PDE1A: variants seen among roughly 807,000 people sequenced by gnomAD.
PDE1A encodes phosphodiesterase 1A.
PDE1A carries 35 observed loss-of-function variants against 61.7 expected under a neutral mutation model. The ratio of observed to expected loss-of-function variants is 0.57; its 90% CI spans 0.43 to 0.75. PDE1A has a LOEUF of 0.75. Ranked by LOEUF, PDE1A falls within the 30% of genes least tolerant of loss-of-function variation. PDE1A has a pLI of 0.00. For missense variants in PDE1A, 597 were observed against 630.6 expected (o/e 0.95, Z 0.57); for synonymous variants, 232 against 213.2 (o/e 1.09, Z -0.77).
the PDE1A span, among the ~76,000 whole-genome samples, chr2:182,558,344 A>G: frequency 6.6e-6 from 1 of 152,104 alleles, no homozygotes; most frequent in Admixed American, 6.5e-5. Context: ...TGTCATAAAA[A>G]ATAAGTTGAT....
chr2:182,443,151 T>C (rs897500775), intron 2 of PDE1A, among the ~76,000 whole-genome samples: 2 of 151,826 alleles, frequency 1.3e-5, no homozygotes, highest in Non-Finnish European at 2.9e-5. Context: ...CTAGGACATA[T>C]AAAACTTTCT....
the PDE1A span, among the ~76,000 whole-genome samples, chr2:182,575,105 G>T: frequency 6.6e-6 from 1 of 152,146 alleles, no homozygotes; most frequent in Non-Finnish European, 1.5e-5. Flanking sequence ...TTTGCTTTAA[G>T]CAAGCACCTC....
chr2:182,499,556 G>A (rs1373103948), intron 2 of PDE1A, among the ~76,000 whole-genome samples: 5 of 152,092 alleles, frequency 3.3e-5, no homozygotes, highest in Admixed American at 3.3e-4. Context: ...CCGAACAGCA[G>A]AAATAAGAAA....
At chr2:182,557,159 T>TC in the PDE1A span, among the ~76,000 whole-genome samples, 1 of 151,940 alleles carries the variant, frequency 6.6e-6, no homozygotes, top group African/African-American at 2.4e-5. Context: ...GCCGGGAGAA[T>TC]CACTTGATCC....
At position 182,201,713 on chromosome 2, in the gene PDE1A, T is replaced by A. The variant is rs373584098; in HGVS notation, c.979A>T (p.Arg327Ter). The A allele has an allele frequency of 1.2e-6, 2 of 1,609,066 alleles. No homozygotes were observed. Among genetic ancestry groups the A allele is most frequent in the Non-Finnish European group, 1.7e-6 (2 of 1,178,642 alleles). The stretch of plus-strand genomic sequence containing the variant: ...CCTTCAGGCTGCTGCAAACTGTTTC[T>A]TATATTTTTAATTTGCTGGAAGTGA... The change falls in exon 9 of 14, where the codon AGA (arginine) becomes TGA (stop). Residue 327 changes from arginine to a stop codon, truncating the protein, a stop_gained. Transcript: ENST00000351439. LOFTEE classifies it high-confidence loss of function.
intron 1 of PDE1A, among the ~76,000 whole-genome samples, chr2:182,339,265 A>G (rs567656035): frequency 6.6e-6 from 1 of 151,958 alleles, no homozygotes; most frequent in South Asian, 2.1e-4. Flanking sequence ...TCAAAGGTGC[A>G]TTTTTTTTAC....
At chr2:182,166,115 C>T (rs1004075219), downstream of PDE1A, among the ~76,000 whole-genome samples, 6 of 152,094 alleles carry the variant, frequency 3.9e-5, no homozygotes, top group African/African-American at 1.2e-4. Flanking sequence ...GGGTGCCAAG[C>T]TGGCAAGGGG....
chr2:182,197,446 T>C (rs1686228085), intron 10 of PDE1A, among the ~76,000 whole-genome samples: 1 of 151,642 alleles, frequency 6.6e-6, no homozygotes, highest in South Asian at 2.1e-4. Context: ...GGTAATGCTT[T>C]ATGTGTCTTC....
intron 2 of PDE1A, among the ~76,000 whole-genome samples, chr2:182,519,303 TA>T (rs1690411558): frequency 6.6e-6 from 1 of 152,070 alleles, no homozygotes; most frequent in Non-Finnish European, 1.5e-5. Context: ...AAATCTAATT[TA>T]TGAAAGACCT....
chr2:182,304,359 A>C (rs937040697), intron 1 of PDE1A, among the ~76,000 whole-genome samples: 2 of 152,222 alleles, frequency 1.3e-5, no homozygotes, highest in Non-Finnish European at 2.9e-5. Context: ...CCAGACAACT[A>C]AAACTTTCTC....
chr2:182,160,410 T>A (rs982157012), intron 13 of PDE1A, among the ~76,000 whole-genome samples: 1 of 152,134 alleles, frequency 6.6e-6, no homozygotes, highest in Non-Finnish European at 1.5e-5. Context: ...CAGTTAGGGA[T>A]GTAGGTAAAG....
At chr2:182,453,179 C>T (rs1201712531) in intron 2 of PDE1A, among the ~76,000 whole-genome samples, 1 of 152,044 alleles carries the variant, frequency 6.6e-6, no homozygotes, top group African/African-American at 2.4e-5. Context: ...CATTGTCCAC[C>T]TCAGCAAAGC....
At chr2:182,429,591 T>A (rs1479261171), upstream of PDE1A, among the ~76,000 whole-genome samples, 3 of 152,102 alleles carry the variant, frequency 2.0e-5, no homozygotes, top group Non-Finnish European at 4.4e-5. Flanking sequence ...TCCTAACTGG[T>A]GCTCAATAAA....
At chr2:182,375,721 T>C (rs1011430084) in intron 1 of PDE1A, among the ~76,000 whole-genome samples, 5 of 152,190 alleles carry the variant, frequency 3.3e-5, no homozygotes, top group Non-Finnish European at 7.3e-5. Flanking sequence ...CAACCCCACA[T>C]TTCCCTTCCA....
At chr2:182,251,568 C>A (rs1021732652) in intron 2 of PDE1A, among the ~76,000 whole-genome samples, 1 of 152,182 alleles carries the variant, frequency 6.6e-6, no homozygotes, top group Non-Finnish European at 1.5e-5. Flanking sequence ...GCCCAGCACC[C>A]TGGTTTAACA....
chr2:182,280,839 G>A (rs1693755615), intron 1 of PDE1A, among the ~76,000 whole-genome samples: 1 of 151,384 alleles, frequency 6.6e-6, no homozygotes, highest in Non-Finnish European at 1.5e-5. Context: ...TTTTTTTGCT[G>A]CCTGACTAAA....
Position 182,293,946 on chromosome 2 carries a change from G to A in PDE1A, c.54-29532C>T, listed in dbSNP as rs547992726. ...AGGATCACCTGCTTTCAGGGTTCCT[G>A]GATCATCAAGCCATGATGATGTCTA... is the stretch of plus-strand genomic sequence containing the variant. On this transcript the variant is annotated intron_variant, in intron 1 of 13. Transcript: ENST00000351439. 8.5e-5 allele frequency among the ~76,000 whole-genome samples: 13 copies of A among 152,262 alleles called. No individual in the cohort carries two copies. In the East Asian group the frequency reaches 1.9e-3, roughly 23 times the overall value.
At chr2:182,540,385 AG>A in the PDE1A span, among the ~76,000 whole-genome samples, 27 of 50,630 alleles carry the variant, frequency 5.3e-4, no homozygotes, top group Non-Finnish European at 1.1e-3. Context: ...AAAAAAAAAA[AG>A]CAGCAGCAGC....
chr2:182,687,278 C>A, the PDE1A span, among the ~76,000 whole-genome samples: 1 of 152,168 alleles, frequency 6.6e-6, no homozygotes, highest in African/African-American at 2.4e-5. Flanking sequence ...CTGGGAGGCA[C>A]CCCCCAGTAG....
Sources: gnomAD v4.1 joint callset for allele counts (sites outside exome capture counted in the v4.1 genomes callset) on GRCh38, gnomAD v4.1.1 for gene constraint, MANE v1.5 for transcripts, NCBI Gene and HGNC (gene_info 2026-07-23, HGNC 2026-07-21) for gene names.